Variants in CLDN16 observed in about 807,000 individuals in gnomAD.
The protein encoded by CLDN16 is claudin 16, also known as claudin-16.
In CLDN16, 13 loss-of-function variants were observed where a neutral mutation model predicts 24.6. The observed-to-expected ratio is 0.53, with a 90% CI of 0.34 to 0.84. The LOEUF is 0.84. CLDN16 is among the 40% of genes least tolerant of loss of function. The pLI, the probability that CLDN16 is intolerant of heterozygous loss-of-function variation, is 0.01. For missense variants in CLDN16, 298 were observed against 292.7 expected (o/e 1.02, Z -0.13); for synonymous variants, 116 against 106.7 (o/e 1.09, Z -0.54).
In CLDN16 at chr3:190,353,516, T is replaced by G. The variant is rs140493611; in HGVS notation, n.122-17377T>G. 2.3e-3 allele frequency among the ~76,000 whole-genome samples: 352 copies of G among 152,176 alleles called. 3 individuals carry two copies. The highest frequency in any genetic ancestry group is 8.1e-3 in the African/African-American group (336 of 41,542). On this transcript the variant is annotated intron_variant and non_coding_transcript_variant, in intron 1 of 4. Transcript: ENST00000468220. ...TTTAGTTATGTCTATGGACCACAAG[T>G]TTGTGTTATTAAATCTTAAATGAAG...
intron 1 of CLDN16, among the ~76,000 whole-genome samples, chr3:190,398,816 T>C (rs888479925): frequency 6.6e-6 from 1 of 152,108 alleles, no homozygotes; most frequent in Non-Finnish European, 1.5e-5. Flanking sequence ...AGATTGAGGA[T>C]CAAAAAAGGT....
chr3:190,355,707 T>C (rs1225995109), intron 1 of CLDN16, among the ~76,000 whole-genome samples: 1 of 151,820 alleles, frequency 6.6e-6, no homozygotes, highest in Non-Finnish European at 1.5e-5. Context: ...ATATAGAGCA[T>C]TTTAATGGAA....
chr3:190,348,929 T>C (rs1717614306), intron 1 of CLDN16, among the ~76,000 whole-genome samples: 1 of 152,176 alleles, frequency 6.6e-6, no homozygotes, highest in South Asian at 2.1e-4. Context: ...TGGTTTTCTG[T>C]TTCTGTGTTA....
upstream of CLDN16, among the ~76,000 whole-genome samples, chr3:190,319,297 C>T (rs1716855949): frequency 6.6e-6 from 1 of 152,112 alleles, no homozygotes; most frequent in East Asian, 1.9e-4. Context: ...CTTTCAGCTA[C>T]AAGAATCCCC....
upstream of CLDN16, among the ~76,000 whole-genome samples, chr3:190,383,829 C>T (rs977798856): frequency 1.3e-5 from 2 of 152,112 alleles, no homozygotes; most frequent in South Asian, 2.1e-4. Context: ...AACATACATA[C>T]ATATGTATAT....
chr3:190,332,844 A>T (rs535768497), intron 1 of CLDN16, among the ~76,000 whole-genome samples: 1 of 151,984 alleles, frequency 6.6e-6, no homozygotes, highest in Non-Finnish European at 1.5e-5. Context: ...GAATAAAAAT[A>T]GTCAAACCGA....
the CLDN16 span, among the ~76,000 whole-genome samples, chr3:190,294,725 A>T: frequency 6.6e-6 from 1 of 152,220 alleles, no homozygotes; most frequent in African/African-American, 2.4e-5. Flanking sequence ...TTTCTGTAGA[A>T]CCATATTATT....
the CLDN16 span, among the ~76,000 whole-genome samples, chr3:190,312,629 AGACTGGTTCT>A: frequency 3.4e-3 from 516 of 152,334 alleles, 1 homozygote; most frequent in African/African-American, 0.012. Flanking sequence ...TCACTGGAAG[AGACTGGTTCT>A]AACAAACCAG....
rs368234054 is a variant in CLDN16 at position 190,388,282 on chromosome 3, AG to A, written c.-45del. 352,707 of 1,613,800 alleles carry A rather than the reference AG, an allele frequency of 0.22. 41,133 individuals carry two copies. The highest frequency in any genetic ancestry group is 0.27 in the Middle Eastern group (1,645 of 6,060). On this transcript the variant is annotated 5_prime_UTR_variant, in exon 1 of 5. Coordinates refer to ENST00000264734, the MANE Select transcript of CLDN16 (RefSeq NM_006580.4). ...TGACACCCGCCACTTAAGTGGGGCC[AG>A]GGCTGGTGTCTGCCCATGTTGCCAT...
At chr3:190,333,069 A>G (rs1379760882) in intron 1 of CLDN16, among the ~76,000 whole-genome samples, 1 of 152,174 alleles carries the variant, frequency 6.6e-6, no homozygotes, top group Non-Finnish European at 1.5e-5. Flanking sequence ...ATCTCTGTCA[A>G]AAGCTATCAG....
intron 1 of CLDN16, among the ~76,000 whole-genome samples, chr3:190,344,054 A>G (rs1392002018): frequency 6.6e-6 from 1 of 152,126 alleles, no homozygotes; most frequent in Admixed American, 6.5e-5. Context: ...TACTATATAC[A>G]TGTATCATAA....
intron 1 of CLDN16, among the ~76,000 whole-genome samples, chr3:190,368,057 G>A (rs536412391): frequency 1.3e-5 from 2 of 152,048 alleles, no homozygotes; most frequent in South Asian, 2.1e-4. Context: ...GGCTGTGGCA[G>A]GCAGCCTTTA....
chr3:190,315,651 C>A, the CLDN16 span, among the ~76,000 whole-genome samples: 3 of 152,090 alleles, frequency 2.0e-5, no homozygotes, highest in African/African-American at 7.2e-5. Context: ...CTTTTTCAAC[C>A]TTTTATTAAT....
intron 1 of CLDN16, among the ~76,000 whole-genome samples, chr3:190,326,725 C>T (rs945532169): frequency 3.9e-5 from 6 of 152,118 alleles, no homozygotes; most frequent in Non-Finnish European, 8.8e-5. Flanking sequence ...CCATAGATTG[C>T]CCCCTTAACT....
chr3:190,303,638 C>T, the CLDN16 span, among the ~76,000 whole-genome samples: 1 of 152,170 alleles, frequency 6.6e-6, no homozygotes, highest in Non-Finnish European at 1.5e-5. Context: ...GCTAAGGACT[C>T]TCCTGAAAAT....
chr3:190,341,937 C>G (rs1006364990), intron 1 of CLDN16, among the ~76,000 whole-genome samples: 2 of 152,182 alleles, frequency 1.3e-5, no homozygotes, highest in African/African-American at 4.8e-5. Flanking sequence ...TAAAACATAA[C>G]AAGAGTCACC....
At chr3:190,408,972 T>C (rs1281280524) in intron 4 of CLDN16, among the ~76,000 whole-genome samples, 1 of 150,534 alleles carries the variant, frequency 6.6e-6, no homozygotes, top group African/African-American at 2.4e-5. Context: ...TGTATACATA[T>C]ATGTATAATT....
At chr3:190,401,912 T>G (rs1203397367) in intron 1 of CLDN16, among the ~76,000 whole-genome samples, 1 of 152,090 alleles carries the variant, frequency 6.6e-6, no homozygotes, top group African/African-American at 2.4e-5. Context: ...CAATATATAT[T>G]TTTAATAGAC....
chr3:190,322,518 TGGCG>T, upstream of CLDN16: 1 of 374,648 alleles, frequency 2.7e-6, no homozygotes. Context: ...GAGCGCCCCC[TGGCG>T]GTTTCAGGGC....
Sources: gnomAD v4.1 joint callset for allele counts (sites outside exome capture counted in the v4.1 genomes callset) on GRCh38, gnomAD v4.1.1 for gene constraint, MANE v1.5 for transcripts, NCBI Gene and HGNC (gene_info 2026-07-23, HGNC 2026-07-21) for gene names.